C22orf39: variants seen among roughly 807,000 people sequenced by gnomAD.
The protein encoded by C22orf39 is synaptic plasticity regulator PANTS.
Under a neutral mutation model 18.3 loss-of-function variants are expected in C22orf39, and 20 were observed. That is an observed-to-expected ratio of 1.09 (90% CI 0.77 to 1.59). C22orf39 has a LOEUF of 1.59. Among genes scored for constraint, C22orf39 ranks in the 40% most tolerant of loss-of-function variants. The probability of loss-of-function intolerance (pLI) is 0.00; values close to 1 mark genes in which losing one functional copy is unlikely to be tolerated. For missense variants in C22orf39, 195 were observed against 156.1 expected, an observed-to-expected ratio of 1.25 and a Z score of -1.33; for synonymous variants, 63 against 59.6, an observed-to-expected ratio of 1.06 and a Z score of -0.26.
In C22orf39 at chr22:19,442,437, T is replaced by C. The variant is rs1177184202; in HGVS notation, c.*1828A>G. The C allele has an allele frequency of 6.6e-6, 1 of 152,392 alleles. No homozygotes were observed. Among genetic ancestry groups the C allele is most frequent in the Non-Finnish European group, 1.5e-5 (1 of 68,148 alleles). 9.4% of individuals were successfully genotyped at this position (152,392 alleles called of 1,614,324 possible). A position where few individuals can be genotyped will look rare whatever the true frequency, so the allele number is the denominator to read the frequency against. On this transcript the variant is annotated 3_prime_UTR_variant, in exon 3 of 3. Transcript: ENST00000399562. The stretch of plus-strand genomic sequence containing the variant: ...CAGGTGGCAGGGAGCGTGGCTGCAC[T>C]GAGGGGAAGCCCCTCATGGACTGGG...
At position 19,442,014 on chromosome 22, in the gene C22orf39, C is replaced by G. The variant is rs533424230; in HGVS notation, c.*2251G>C. ...TTACGTTGCCCAGGCTGGTCTCGAA[C>G]TCCTGGGCTCAAGCAATCCTCCCAC... is the stretch of plus-strand genomic sequence containing the variant. On this transcript the variant is annotated 3_prime_UTR_variant, in exon 3 of 3. Coordinates refer to ENST00000399562, the MANE Select transcript of C22orf39 (RefSeq NM_173793.5). 132 of 210,862 alleles carry G rather than the reference C, an allele frequency of 6.3e-4. No homozygotes were observed. The highest frequency in any genetic ancestry group is 2.7e-3 in the African/African-American group (119 of 43,290). 13.1% of individuals were successfully genotyped at this position (210,862 alleles called of 1,614,324 possible).
chr22:19,441,799 T>C lies in C22orf39; in HGVS notation c.*2466A>G, dbSNP rs1350485136. 2.8e-6 allele frequency: 4 copies of C among 1,408,830 alleles called. No homozygotes were observed. The Admixed American group carries it at 1.0e-4, about 36-fold the overall frequency. 87.3% of individuals were successfully genotyped at this position (1,408,830 alleles called of 1,614,324 possible). ...CTTCAGAAATTACCACCATTTTATT[T>C]TTATTTATTTTGAGACAGGATATTG... On this transcript the variant is annotated 3_prime_UTR_variant, in exon 3 of 3. Coordinates refer to ENST00000399562, the MANE Select transcript of C22orf39 (RefSeq NM_173793.5).
rs2146275869 is a variant in C22orf39 at position 19,443,079 on chromosome 22, A to T, written c.*1186T>A. On this transcript the variant is annotated 3_prime_UTR_variant, in exon 3 of 3. Coordinates refer to ENST00000399562, the MANE Select transcript of C22orf39 (RefSeq NM_173793.5). ...CTGCTCTTGGGATCCCGTGAGCACA[A>T]CCCCCACCCCCACCCCCACTGTTCA... is the stretch of plus-strand genomic sequence containing the variant. 6.5e-6 allele frequency: 4 copies of T among 618,778 alleles called. No individual in the cohort carries two copies. The highest frequency in any genetic ancestry group is 8.0e-6 in the Non-Finnish European group (4 of 497,564). The allele number at this position is 618,778 out of a possible 1,614,324, so 38.3% of individuals were successfully genotyped here.
In C22orf39 at chr22:19,441,551, T is replaced by C. The variant is rs2089612512; in HGVS notation, c.*2714A>G. On this transcript the variant is annotated 3_prime_UTR_variant, in exon 3 of 3. Transcript: ENST00000399562. Reference sequence around the variant, plus strand: ...TATTTTTAAAACATTTATTTAGAGATGGGGTCTTGCTCTGTTGCCCAGGCT... The same window carrying C: ...TATTTTTAAAACATTTATTTAGAGACGGGGTCTTGCTCTGTTGCCCAGGCT... 1.6e-6 allele frequency: 1 copy of C among 642,626 alleles called. No homozygotes were observed. Among genetic ancestry groups the C allele is most frequent in the Admixed American group, 2.8e-5 (1 of 36,286 alleles). 39.8% of individuals were successfully genotyped at this position (642,626 alleles called of 1,614,324 possible).
chr22:19,445,712 TTG>T (rs2146277683), intron 2 of C22orf39, among the ~76,000 whole-genome samples: 1 of 152,308 alleles, frequency 6.6e-6, no homozygotes, highest in South Asian at 2.1e-4. Flanking sequence ...TCTTACTCTG[TTG>T]CCCAGGCTGG....
chr22:19,447,515 C>CGGCGCGGTAGGCCTCGCAGG lies in C22orf39; in HGVS notation c.35_54dup (p.Glu19ProfsTer157). The stretch of plus-strand genomic sequence containing the variant: ...CTGGCGCTGCGGCAGAGCTTCCACT[C>CGGCGCGGTAGGCCTCGCAGG]GGCGCGGTAGGCCTCGCAGGGGCGC... On this transcript the variant is annotated frameshift_variant, in exon 2 of 3. Transcript: ENST00000399562. LOFTEE classifies it high-confidence loss of function. 6.7e-7 allele frequency: 1 copy of CGGCGCGGTAGGCCTCGCAGG among 1,489,406 alleles called. No individual in the cohort carries two copies. The highest frequency in any genetic ancestry group is 8.9e-7 in the Non-Finnish European group (1 of 1,125,198). The allele number at this position is 1,489,406 out of a possible 1,614,324, so 92.3% of individuals were successfully genotyped here.
chr22:19,444,745 TGGAGA>T (rs1035941828), intron 2 of C22orf39, among the ~76,000 whole-genome samples: 16 of 151,832 alleles, frequency 1.1e-4, no homozygotes, highest in African/African-American at 3.1e-4. Flanking sequence ...GGGTGCTGGG[TGGAGA>T]GGAGAGAAGA....
rs2089615098 is a variant in C22orf39, at chr22:19,441,932, C to G, written c.*2333G>C. 4.2e-6 allele frequency: 2 copies of G among 478,280 alleles called. No individual in the cohort carries two copies. Among genetic ancestry groups the G allele is most frequent in the African/African-American group, 2.0e-5 (1 of 49,226 alleles). 29.6% of individuals were successfully genotyped at this position (478,280 alleles called of 1,614,324 possible). On this transcript the variant is annotated 3_prime_UTR_variant, in exon 3 of 3. Coordinates refer to ENST00000399562, the MANE Select transcript of C22orf39 (RefSeq NM_173793.5). ...ATCTCAGCCTCCGAAGTAGCTGGAA[C>G]TACAAATGCACGCCACCATGCATAG... is the stretch of plus-strand genomic sequence containing the variant.
At position 19,444,285 on chromosome 22, in the gene C22orf39, G is replaced by A. The variant is rs745722844; in HGVS notation, c.298C>T (p.Pro100Ser). 2 of 1,593,624 alleles carry A rather than the reference G, an allele frequency of 1.3e-6. No homozygotes were observed. Among genetic ancestry groups the A allele is most frequent in the Admixed American group, 1.8e-5 (1 of 55,070 alleles). The change falls in exon 3 of 3, where the codon CCA becomes TCA. Residue 100 changes from proline (P) to serine (S), a missense_variant. By Grantham distance (74) the Pro-to-Ser change is moderately conservative. Transcript: ENST00000399562. The stretch of plus-strand genomic sequence containing the variant: ...GCTTGTCACTCGTCCTTCTCCTGTG[G>A]CAGAGGGAGATGCCAGTCTGGAGGG... ...SPPPDWHLPLPQEKDE is the reference protein window; with the variant it reads ...SPPPDWHLPLSQEKDE
chr22:19,443,096 C>CCCCCA lies in C22orf39; in HGVS notation c.*1168_*1169insTGGGG. The CCCCCA allele has an allele frequency of 2.3e-6, 2 of 851,082 alleles. No individual in the cohort carries two copies. The highest frequency in any genetic ancestry group is 2.8e-6 in the Non-Finnish European group (2 of 709,392). The allele number at this position is 851,082 out of a possible 1,614,324, so 52.7% of individuals were successfully genotyped here. On this transcript the variant is annotated 3_prime_UTR_variant, in exon 3 of 3. Transcript: ENST00000399562. Reference sequence around the variant, plus strand: ...TGAGCACAACCCCCACCCCCACCCCCACTGTTCACAGACACAGGGGCTCTT... The same window carrying CCCCCA: ...TGAGCACAACCCCCACCCCCACCCCCCCCCAACTGTTCACAGACACAGGGGCTCTT...
At chr22:19,446,319 G>A (rs2089639280) in intron 2 of C22orf39, among the ~76,000 whole-genome samples, 1 of 152,144 alleles carries the variant, frequency 6.6e-6, no homozygotes, top group African/African-American at 2.4e-5. Context: ...TTATGGAATA[G>A]TCATCATTTT....
chr22:19,445,515 C>A (rs1204409299), intron 2 of C22orf39, among the ~76,000 whole-genome samples: 1 of 152,164 alleles, frequency 6.6e-6, no homozygotes, highest in Non-Finnish European at 1.5e-5. Flanking sequence ...AGAAGTAAAA[C>A]TTAAGGTCAA....
chr22:19,443,093 C>G lies in C22orf39; in HGVS notation c.*1172G>C, dbSNP rs1421007309. The G allele has an allele frequency of 1.2e-6, 1 of 814,262 alleles. No individual in the cohort carries two copies. The highest frequency in any genetic ancestry group is 1.5e-6 in the Non-Finnish European group (1 of 675,934). 50.4% of individuals were successfully genotyped at this position (814,262 alleles called of 1,614,324 possible). ...CCGTGAGCACAACCCCCACCCCCAC[C>G]CCCACTGTTCACAGACACAGGGGCT... On this transcript the variant is annotated 3_prime_UTR_variant, in exon 3 of 3. Transcript: ENST00000399562.
chr22:19,443,913 A>G lies in C22orf39; in HGVS notation c.*352T>C. ...TTATGACCCACCTGTGTGTCCACAC[A>G]GGTCAGGGCTACCCTTCAGTTTACC... On this transcript the variant is annotated 3_prime_UTR_variant, in exon 3 of 3. Coordinates refer to ENST00000399562, the MANE Select transcript of C22orf39 (RefSeq NM_173793.5). 9.7e-7 allele frequency: 1 copy of G among 1,027,544 alleles called. No individual in the cohort carries two copies. The highest frequency in any genetic ancestry group is 1.2e-6 in the Non-Finnish European group (1 of 857,772). The allele number at this position is 1,027,544 out of a possible 1,614,324, so 63.7% of individuals were successfully genotyped here.
rs1298855355 is a variant in C22orf39, at chr22:19,444,096, AG to A, written c.*168del. 1.5e-6 allele frequency: 2 copies of A among 1,344,046 alleles called. No homozygotes were observed. Among genetic ancestry groups the A allele is most frequent in the African/African-American group, 3.1e-5 (2 of 65,330 alleles). The allele number at this position is 1,344,046 out of a possible 1,614,324, so 83.3% of individuals were successfully genotyped here. Reference sequence around the variant, plus strand: ...CGCAGTGTCAGGGTATCCTGCATGCAGGTGAGGGGTGGGCAAGTAGGGCTAG... The same window carrying A: ...CGCAGTGTCAGGGTATCCTGCATGCAGTGAGGGGTGGGCAAGTAGGGCTAG... On this transcript the variant is annotated 3_prime_UTR_variant, in exon 3 of 3. Transcript: ENST00000399562.
At position 19,447,676 on chromosome 22, in the gene C22orf39, T is replaced by C. The variant is rs1569323384; in HGVS notation, c.13A>G (p.Ser5Gly). 3.1e-6 allele frequency: 5 copies of C among 1,611,006 alleles called. No individual in the cohort carries two copies. The highest frequency in any genetic ancestry group is 4.5e-5 in the East Asian group (2 of 44,746). Residue 5 changes from serine to glycine, a missense_variant, in exon 1 of 3, where the codon AGC becomes GGC. Ser to Gly is a moderately conservative substitution (Grantham distance 56). Transcript: ENST00000399562. Reference protein sequence around the residue: MADGSGWQPPRPCEA... With the variant: MADGGGWQPPRPCEA... ...CCCAGCACACTCACCTGCCAGCCGC[T>C]GCCGTCCGCCATGTCTGGGCGACCG...
Position 19,444,282 on chromosome 22 carries a change from G to A in C22orf39, c.301C>T (p.Gln101Ter). The stretch of plus-strand genomic sequence containing the variant: ...GATGCTTGTCACTCGTCCTTCTCCT[G>A]TGGCAGAGGGAGATGCCAGTCTGGA... Reference protein sequence around the residue: ...PPPDWHLPLPQEKDE With the variant: ...PPPDWHLPLP The change falls in exon 3 of 3, where the codon CAG becomes TAG. Residue 101 changes from glutamine (Q) to a stop codon, truncating the protein, a stop_gained. Coordinates refer to ENST00000399562, the MANE Select transcript of C22orf39 (RefSeq NM_173793.5). LOFTEE classifies it high-confidence loss of function. 1 of 1,589,138 alleles carries A rather than the reference G, an allele frequency of 6.3e-7. No individual in the cohort carries two copies. Among genetic ancestry groups the A allele is most frequent in the Non-Finnish European group, 8.5e-7 (1 of 1,171,332 alleles).
At chr22:19,446,393 T>C (rs2089639685) in intron 2 of C22orf39, among the ~76,000 whole-genome samples, 1 of 152,200 alleles carries the variant, frequency 6.6e-6, no homozygotes. Flanking sequence ...ATACACTTAA[T>C]AATGTTGAAG....
intron 2 of C22orf39, among the ~76,000 whole-genome samples, chr22:19,446,693 T>C (rs546703938): frequency 6.6e-6 from 1 of 152,222 alleles, no homozygotes; most frequent in Non-Finnish European, 1.5e-5. Flanking sequence ...ATTGAACTTC[T>C]TTTACCCTCT....
Sources: allele counts gnomAD v4.1 joint callset (sites outside exome capture counted in the v4.1 genomes callset), GRCh38; gene constraint gnomAD v4.1.1; transcripts MANE v1.5; gene names NCBI Gene and HGNC (gene_info 2026-07-23, HGNC 2026-07-21).